The following RASEF variants were observed in gnomAD, a reference collection of about 807,000 sequenced individuals.
RASEF encodes ras and EF-hand domain-containing protein.
In RASEF, 68 loss-of-function variants were observed where a neutral mutation model predicts 90.1. The ratio of observed to expected loss-of-function variants is 0.75; its 90% CI spans 0.62 to 0.92. The LOEUF is 0.92. RASEF is among the 40% of genes least tolerant of loss of function. The pLI is 0.00. For synonymous variants in RASEF, 331 were observed against 345.2 expected (o/e 0.96, Z 0.46); for missense variants, 949 against 937.2 (o/e 1.01, Z -0.16).
intron 1 of RASEF, among the ~76,000 whole-genome samples, chr9:83,026,158 G>A (rs1302205514): frequency 6.6e-6 from 1 of 152,078 alleles, no homozygotes; most frequent in Non-Finnish European, 1.5e-5. Flanking sequence ...TAATAAGGAA[G>A]GATTTTGTTG....
At chr9:83,171,278 C>G in the RASEF span, among the ~76,000 whole-genome samples, 1 of 151,828 alleles carries the variant, frequency 6.6e-6, no homozygotes, top group African/African-American at 2.4e-5. Context: ...GGATGAACCC[C>G]ACTTGATAAT....
chr9:83,170,881 G>T, the RASEF span, among the ~76,000 whole-genome samples: 1 of 151,738 alleles, frequency 6.6e-6, no homozygotes, highest in South Asian at 2.1e-4. Context: ...ATAATAATTT[G>T]ACTTTTTCCT....
intron 3 of RASEF, 43 bp from the exon 4 acceptor site, chr9:83,015,943 C>T: frequency 6.9e-7 from 1 of 1,448,666 alleles, no homozygotes; most frequent in Non-Finnish European, 9.6e-7. Flanking sequence ...ATAAGTTCAC[C>T]CTCTTAACCT....
intron 16 of RASEF, among the ~76,000 whole-genome samples, chr9:82,988,957 G>C (rs4877725): frequency 0.51 from 78,128 of 151,962 alleles, 20,463 homozygotes; most frequent in East Asian, 0.77. Flanking sequence ...GATTTCCAGT[G>C]TTGTAGGGGG....
At chr9:83,065,995 G>A (rs1055828509), upstream of RASEF, among the ~76,000 whole-genome samples, 6 of 152,150 alleles carry the variant, frequency 3.9e-5, no homozygotes, top group Admixed American at 2.0e-4. Flanking sequence ...TGCTGAGGTT[G>A]AGGAAGCCTG....
At chr9:83,026,904 G>C (rs989409963) in intron 1 of RASEF, among the ~76,000 whole-genome samples, 1 of 152,006 alleles carries the variant, frequency 6.6e-6, no homozygotes, top group African/African-American at 2.4e-5. Context: ...AGACCCCACA[G>C]GTTAAGAGAT....
chr9:82,999,127 T>C, intron 12 of RASEF, among the ~76,000 whole-genome samples: 1 of 152,118 alleles, frequency 6.6e-6, no homozygotes, highest in African/African-American at 2.4e-5. Flanking sequence ...TGTTCTAACA[T>C]TTCGGGTGAT....
At chr9:83,196,650 C>T in the RASEF span, among the ~76,000 whole-genome samples, 1 of 152,162 alleles carries the variant, frequency 6.6e-6, no homozygotes, top group African/African-American at 2.4e-5. Flanking sequence ...GACTTGAACC[C>T]ATAACCACAG....
intron 9 of RASEF, among the ~76,000 whole-genome samples, chr9:83,002,279 G>C (rs1829053753): frequency 6.6e-6 from 1 of 152,110 alleles, no homozygotes; most frequent in Non-Finnish European, 1.5e-5. Context: ...ATGTAAATCT[G>C]AGAAGTCAAA....
chr9:83,048,566 A>AAATG lies in RASEF; in HGVS notation c.431+13867_431+13870dup, dbSNP rs34939702. On this transcript the variant is annotated intron_variant, in intron 1 of 16. Coordinates refer to ENST00000376447, the MANE Select transcript of RASEF (RefSeq NM_152573.4). ...AGTTTAAGTGAAGGAATGAATGAGT[A>AAATG]AATGAATGAATGAATGAATGAATGA... The AAATG allele has an allele frequency of 3.2e-3, 3,147 of 981,284 alleles. 53 individuals carry two copies. In the African/African-American group the frequency reaches 0.049, roughly 15 times the overall value. The allele number at this position is 981,284 out of a possible 1,614,324, so 60.8% of individuals were successfully genotyped here.
At chr9:83,084,621 G>A in the RASEF span, among the ~76,000 whole-genome samples, 1 of 152,124 alleles carries the variant, frequency 6.6e-6, no homozygotes, top group African/African-American at 2.4e-5. Context: ...TCACAATGTG[G>A]GACAATTTGC....
chr9:83,000,176 G>A lies in RASEF; in HGVS notation c.1716C>T (p.Ala572=), dbSNP rs114266938. The change falls in exon 12 of 17, where the codon GCC becomes GCT. Residue 572 remains alanine (A), a synonymous_variant. Coordinates refer to ENST00000376447, the MANE Select transcript of RASEF (RefSeq NM_152573.4). ...CCGAAATACGAGCCATACCCAGGGT[G>A]GCGCTTATATTTTCTCGAAATTCAT... is the stretch of plus-strand genomic sequence containing the variant. The part of the protein sequence containing the change: ...CKNEFRENIS[A]TLGVDFQMKT... 4,087 of 1,613,348 alleles carry A rather than the reference G, an allele frequency of 2.5e-3. 90 individuals are homozygous for A. The African/African-American group carries it at 0.047, about 19-fold the overall frequency.
the RASEF span, among the ~76,000 whole-genome samples, chr9:83,097,870 T>C: frequency 6.6e-6 from 1 of 152,198 alleles, no homozygotes; most frequent in Non-Finnish European, 1.5e-5. Flanking sequence ...ATATTTATAG[T>C]TCCCAGTTGA....
chr9:83,173,472 C>A, the RASEF span, among the ~76,000 whole-genome samples: 1,505 of 151,670 alleles, frequency 9.9e-3, 29 homozygotes, highest in African/African-American at 0.034. Context: ...AATAGTCTAT[C>A]TTTCAGCTCA....
chr9:83,133,369 T>A, the RASEF span, among the ~76,000 whole-genome samples: 1 of 152,200 alleles, frequency 6.6e-6, no homozygotes, highest in South Asian at 2.1e-4. Flanking sequence ...TAGTTCATTT[T>A]TAAAATCAAA....
chr9:83,108,764 A>T, the RASEF span, among the ~76,000 whole-genome samples: 8,388 of 152,248 alleles, frequency 0.055, 261 homozygotes, highest in South Asian at 0.096. Context: ...CATCTGATTG[A>T]ACTTCTATTT....
intron 4 of RASEF, 150 bp downstream of exon 4, chr9:83,015,655 G>A: frequency 1.5e-6 from 1 of 678,094 alleles, no homozygotes. Flanking sequence ...ACTCCAGCCT[G>A]GGTGACAGAG....
At chr9:83,032,679 A>G (rs1259105825) in intron 1 of RASEF, among the ~76,000 whole-genome samples, 1 of 152,176 alleles carries the variant, frequency 6.6e-6, no homozygotes, top group Non-Finnish European at 1.5e-5. Context: ...ACTGATGAAA[A>G]CTTCACAACT....
the RASEF span, among the ~76,000 whole-genome samples, chr9:83,105,206 C>A: frequency 6.6e-6 from 1 of 152,178 alleles, no homozygotes; most frequent in Non-Finnish European, 1.5e-5. Flanking sequence ...CAAACTGAGG[C>A]TTACATTAGC....
Sources: gnomAD v4.1 joint callset for allele counts (sites outside exome capture counted in the v4.1 genomes callset) on GRCh38, gnomAD v4.1.1 for gene constraint, MANE v1.5 for transcripts, NCBI Gene and HGNC (gene_info 2026-07-23, HGNC 2026-07-21) for gene names.